Variants in TXNDC11 observed in about 807,000 individuals in gnomAD.
The protein encoded by TXNDC11 is thioredoxin domain containing 11.
Under a neutral mutation model 78.0 loss-of-function variants are expected in TXNDC11, and 68 were observed. The ratio of observed to expected loss-of-function variants is 0.87; its 90% CI spans 0.72 to 1.07. The LOEUF is 1.07. Among genes scored for constraint, TXNDC11 ranks in the 50% least tolerant of loss-of-function variants. TXNDC11 has a pLI of 0.00. For missense variants in TXNDC11, 1,389 were observed against 1,221.8 expected (o/e 1.14, Z -2.04); for synonymous variants, 571 against 495.2 (o/e 1.15, Z -2.03).
chr16:11,696,238 G>T (rs141275439), intron 7 of TXNDC11, among the ~76,000 whole-genome samples: 1 of 151,912 alleles, frequency 6.6e-6, no homozygotes, highest in Non-Finnish European at 1.5e-5. Context: ...CCTCCTTCCC[G>T]TAAGTTTTTC....
intron 7 of TXNDC11, among the ~76,000 whole-genome samples, chr16:11,693,329 G>T (rs2050772113): frequency 6.6e-6 from 1 of 152,058 alleles, no homozygotes; most frequent in African/African-American, 2.4e-5. Context: ...TCCCATTCTG[G>T]TTTCCTGAGA....
intron 5 of TXNDC11, among the ~76,000 whole-genome samples, chr16:11,709,836 T>C (rs1187818228): frequency 6.6e-6 from 1 of 152,220 alleles, no homozygotes; most frequent in South Asian, 2.1e-4. Context: ...TAAATACGCA[T>C]TGTTACATAT....
chr16:11,736,510 C>G (rs1249134267), intron 1 of TXNDC11, among the ~76,000 whole-genome samples: 1 of 152,178 alleles, frequency 6.6e-6, no homozygotes, highest in South Asian at 2.1e-4. Flanking sequence ...TTCCTGCTCC[C>G]CACATCCCAA....
chr16:11,685,009 G>T (rs570440612), intron 10 of TXNDC11, among the ~76,000 whole-genome samples: 1 of 152,258 alleles, frequency 6.6e-6, no homozygotes, highest in Non-Finnish European at 1.5e-5. Flanking sequence ...TAACTGGGGG[G>T]AGTGAGGGTG....
At chr16:11,715,836 C>T (rs148157402) in intron 5 of TXNDC11, among the ~76,000 whole-genome samples, 2,777 of 152,262 alleles carry the variant, frequency 0.018, 42 homozygotes, top group Middle Eastern at 0.048. Flanking sequence ...GCCTGCTGGT[C>T]AGTCAATGAC....
chr16:11,687,721 C>A (rs983931435), intron 10 of TXNDC11, 136 bp downstream of exon 10: 1 of 629,116 alleles, frequency 1.6e-6, no homozygotes, highest in South Asian at 1.7e-5. Flanking sequence ...TGGCTTCAAC[C>A]TGACAATTAA....
chr16:11,688,520 C>A, intron 8 of TXNDC11, 75 bp from the exon 9 acceptor site: 3 of 1,275,138 alleles, frequency 2.4e-6, no homozygotes, highest in Non-Finnish European at 3.2e-6. Flanking sequence ...TTAAACTCCA[C>A]ATTTTAAAAA....
At chr16:11,732,419 A>T (rs1465197202) in intron 3 of TXNDC11, among the ~76,000 whole-genome samples, 1 of 152,170 alleles carries the variant, frequency 6.6e-6, no homozygotes, top group Non-Finnish European at 1.5e-5. Context: ...CAAGCTCACC[A>T]TCCCGTTACA....
chr16:11,687,816 T>A (rs770451559), intron 10 of TXNDC11, 41 bp downstream of exon 10: 18 of 1,340,508 alleles, frequency 1.3e-5, no homozygotes, highest in South Asian at 3.6e-5. Flanking sequence ...AGAGTGAAAA[T>A]GGGCATACAG....
At chr16:11,724,624 G>C (rs2051819462) in intron 4 of TXNDC11, among the ~76,000 whole-genome samples, 1 of 152,030 alleles carries the variant, frequency 6.6e-6, no homozygotes, top group Non-Finnish European at 1.5e-5. Context: ...AAATGACACT[G>C]GTTCTGTTAG....
At chr16:11,734,196 GA>G in intron 2 of TXNDC11, 117 bp from the exon 3 acceptor site, 2 of 736,914 alleles carry the variant, frequency 2.7e-6, no homozygotes, top group Non-Finnish European at 2.3e-6. Flanking sequence ...CAGAAACTAT[GA>G]AAAAAACTGT....
At chr16:11,689,513 G>A (rs777519875) in intron 8 of TXNDC11, among the ~76,000 whole-genome samples, 16 of 152,178 alleles carry the variant, frequency 1.1e-4, no homozygotes, top group Non-Finnish European at 1.9e-4. Context: ...AACCAACAAT[G>A]ACACACAGTA....
chr16:11,726,242 G>A (rs1040322461), intron 4 of TXNDC11, among the ~76,000 whole-genome samples: 2 of 151,942 alleles, frequency 1.3e-5, no homozygotes, highest in African/African-American at 4.8e-5. Context: ...GATATTGGTA[G>A]GTCTGAGATA....
intron 4 of TXNDC11, among the ~76,000 whole-genome samples, chr16:11,728,665 G>A (rs2051954451): frequency 6.6e-6 from 1 of 152,210 alleles, no homozygotes; most frequent in Non-Finnish European, 1.5e-5. Context: ...GTACTGCTGG[G>A]CTGGGCATGA....
intron 5 of TXNDC11, among the ~76,000 whole-genome samples, chr16:11,701,169 C>T (rs996727221): frequency 3.2e-5 from 4 of 126,314 alleles, no homozygotes; most frequent in African/African-American, 1.3e-4. Flanking sequence ...TGGAGTCTCG[C>T]TCTGTGGCCC....
intron 6 of TXNDC11, among the ~76,000 whole-genome samples, chr16:11,699,846 C>T (rs1356052229): frequency 6.6e-6 from 1 of 152,236 alleles, no homozygotes; most frequent in Admixed American, 6.5e-5. Flanking sequence ...ACTTAGGAAG[C>T]AGCAACAGAG....
rs928441714 is a variant in TXNDC11 at position 11,742,785 on chromosome 16, C to G, written c.-55G>C. On this transcript the variant is annotated 5_prime_UTR_variant, in exon 1 of 12. Coordinates refer to ENST00000283033, the MANE Select transcript of TXNDC11 (RefSeq NM_015914.7). ...GCCGCCGCCGCCTCGGGCCCGAAGG[C>G]CCGGCCCGGCCCGTTGCTCCCCAAT... The G allele has an allele frequency of 7.2e-7, 1 of 1,396,920 alleles. No homozygotes were observed. Among genetic ancestry groups the G allele is most frequent in the Non-Finnish European group, 9.3e-7 (1 of 1,081,004 alleles). The allele number at this position is 1,396,920 out of a possible 1,614,324, so 86.5% of individuals were successfully genotyped here. A position where few individuals can be genotyped will look rare whatever the true frequency, so the allele number is the denominator to read the frequency against.
chr16:11,735,541 G>A (rs1375596378), intron 2 of TXNDC11, among the ~76,000 whole-genome samples: 1 of 152,172 alleles, frequency 6.6e-6, no homozygotes, highest in Admixed American at 6.5e-5. Flanking sequence ...GCCATAACAG[G>A]TGACTTATTT....
chr16:11,681,364 G>T (rs1474354452), intron 11 of TXNDC11, among the ~76,000 whole-genome samples: 1 of 152,208 alleles, frequency 6.6e-6, no homozygotes, highest in Non-Finnish European at 1.5e-5. Context: ...TCTACCTCCA[G>T]ACATTTACAG....
Sources: allele counts gnomAD v4.1 joint callset (sites outside exome capture counted in the v4.1 genomes callset), GRCh38; gene constraint gnomAD v4.1.1; transcripts MANE v1.5; gene names NCBI Gene and HGNC (gene_info 2026-07-23, HGNC 2026-07-21).